NRXN3: variants seen among roughly 807,000 people sequenced by gnomAD.
The protein encoded by NRXN3 is neurexin III.
In NRXN3, 32 loss-of-function variants were observed where a neutral mutation model predicts 137.6. The observed-to-expected ratio is 0.23, with a 90% CI of 0.18 to 0.31. The LOEUF (loss-of-function observed/expected upper bound fraction) is 0.31. Ranked by LOEUF, NRXN3 falls within the 10% of genes least tolerant of loss-of-function variation. The probability of loss-of-function intolerance (pLI) is 1.00; values close to 1 mark genes in which losing one functional copy is unlikely to be tolerated. For missense variants in NRXN3, 1,574 were observed against 2,062.5 expected, an observed-to-expected ratio of 0.76 and a Z score of 4.59; for synonymous variants, 798 against 784.5, an observed-to-expected ratio of 1.02 and a Z score of -0.29.
chr14:78,604,642 C>T (rs1331798012), intron 4 of NRXN3, among the ~76,000 whole-genome samples: 1 of 152,138 alleles, frequency 6.6e-6, no homozygotes, highest in African/African-American at 2.4e-5. Context: ...TAGAGATCCC[C>T]TTCATTCTGT....
chr14:78,704,072 G>A (rs929529011), intron 6 of NRXN3, among the ~76,000 whole-genome samples: 3 of 152,210 alleles, frequency 2.0e-5, no homozygotes, highest in Non-Finnish European at 4.4e-5. Context: ...AGTGGCCTGG[G>A]ATAAGATGGC....
chr14:79,357,008 G>A (rs1028143708), intron 15 of NRXN3, among the ~76,000 whole-genome samples: 5 of 152,174 alleles, frequency 3.3e-5, no homozygotes, highest in Admixed American at 6.5e-5. Context: ...GATTAGAGAC[G>A]TGAGCCACTG....
chr14:79,623,026 T>A (rs1468280858), intron 16 of NRXN3, among the ~76,000 whole-genome samples: 2 of 152,238 alleles, frequency 1.3e-5, no homozygotes, highest in South Asian at 2.1e-4. Flanking sequence ...TATTGGCAAA[T>A]ACTATGATAT....
intron 1 of NRXN3, among the ~76,000 whole-genome samples, chr14:78,241,634 G>T (rs771339088): frequency 1.4e-4 from 21 of 150,030 alleles, no homozygotes; most frequent in South Asian, 4.2e-4. Context: ...AAAAAAAAAA[G>T]GCTTATGCTA....
intron 20 of NRXN3, among the ~76,000 whole-genome samples, chr14:79,813,158 C>G (rs556295197): frequency 6.6e-6 from 1 of 152,168 alleles, no homozygotes; most frequent in Non-Finnish European, 1.5e-5. Flanking sequence ...CATTCTTAAC[C>G]AGCATCAGCC....
intron 10 of NRXN3, among the ~76,000 whole-genome samples, chr14:78,937,335 A>G (rs976970517): frequency 1.3e-5 from 2 of 152,178 alleles, no homozygotes; most frequent in African/African-American, 2.4e-5. Flanking sequence ...ATAAATGTAC[A>G]TACCCCACCT....
At chr14:78,776,674 C>T (rs1002398825) in intron 8 of NRXN3, among the ~76,000 whole-genome samples, 7 of 152,050 alleles carry the variant, frequency 4.6e-5, no homozygotes, top group Non-Finnish European at 1.0e-4. Flanking sequence ...GATTGTTGGT[C>T]TTGTTTGCTA....
intron 16 of NRXN3, among the ~76,000 whole-genome samples, chr14:79,575,674 G>T (rs2097657608): frequency 1.3e-5 from 2 of 152,058 alleles, no homozygotes; most frequent in South Asian, 4.1e-4. Flanking sequence ...CCGTGTCAAT[G>T]ATGGCTTTTA....
intron 15 of NRXN3, among the ~76,000 whole-genome samples, chr14:79,367,961 A>G (rs1395905198): frequency 1.3e-5 from 2 of 152,332 alleles, no homozygotes; most frequent in East Asian, 3.9e-4. Flanking sequence ...TGGATATACT[A>G]TAACCAAAGA....
At chr14:78,568,619 A>T (rs960886013) in intron 4 of NRXN3, among the ~76,000 whole-genome samples, 1 of 152,212 alleles carries the variant, frequency 6.6e-6, no homozygotes, top group African/African-American at 2.4e-5. Flanking sequence ...TACACCGATT[A>T]TCTTGTTTGA....
At chr14:79,391,422 T>A (rs973853452) in intron 15 of NRXN3, among the ~76,000 whole-genome samples, 1 of 152,222 alleles carries the variant, frequency 6.6e-6, no homozygotes, top group Non-Finnish European at 1.5e-5. Context: ...TCCACTTTTC[T>A]TGTCTTTAAA....
chr14:79,083,323 A>G (rs917128214), intron 15 of NRXN3, among the ~76,000 whole-genome samples: 3 of 152,224 alleles, frequency 2.0e-5, no homozygotes, highest in Non-Finnish European at 4.4e-5. Context: ...CTGGATGGGA[A>G]CCACACGAGG....
intron 8 of NRXN3, among the ~76,000 whole-genome samples, chr14:78,794,489 C>T (rs1279071450): frequency 6.6e-6 from 1 of 152,148 alleles, no homozygotes; most frequent in African/African-American, 2.4e-5. Context: ...GGTAGTACCT[C>T]ATAAAAAGTA....
At chr14:78,825,922 A>G (rs78373520) in intron 10 of NRXN3, among the ~76,000 whole-genome samples, 2,787 of 152,324 alleles carry the variant, frequency 0.018, 91 homozygotes, top group African/African-American at 0.063. Flanking sequence ...TTGACTATTC[A>G]GTTGAACCCC....
chr14:79,700,684 C>T lies in NRXN3; in HGVS notation c.4014+2747C>T, dbSNP rs559232342. Among the ~76,000 whole-genome samples the T allele has an allele frequency of 2.0e-4, 31 of 152,096 alleles. No individual in the cohort carries two copies. In the South Asian group the frequency reaches 2.3e-3, roughly 11 times the overall value. On this transcript the variant is annotated intron_variant, in intron 19 of 20. Coordinates refer to ENST00000335750, the MANE Select transcript of NRXN3 (RefSeq NM_001330195.2). ...AGGTGCTTTCAGTGCTGCTTTTAAC[C>T]GTGTGTGAATGTGAACAAGTAGTTT...
chr14:78,385,357 A>G (rs2089804353), intron 4 of NRXN3, among the ~76,000 whole-genome samples: 1 of 152,028 alleles, frequency 6.6e-6, no homozygotes. Flanking sequence ...TCCTAATCAT[A>G]AAAAATTATG....
intron 16 of NRXN3, among the ~76,000 whole-genome samples, chr14:79,599,799 G>A (rs574526778): frequency 1.2e-4 from 19 of 152,096 alleles, no homozygotes; most frequent in Admixed American, 3.9e-4. Context: ...GTTCAAGACC[G>A]GCCTGGCCAA....
At chr14:79,302,654 C>T (rs2085340765) in intron 15 of NRXN3, among the ~76,000 whole-genome samples, 1 of 151,742 alleles carries the variant, frequency 6.6e-6, no homozygotes, top group African/African-American at 2.4e-5. Context: ...AGGGCAGTTT[C>T]CCCCATCCTG....
intron 4 of NRXN3, among the ~76,000 whole-genome samples, chr14:78,526,329 C>A (rs2096378684): frequency 6.6e-6 from 1 of 152,306 alleles, no homozygotes; most frequent in African/African-American, 2.4e-5. Flanking sequence ...TTTGAAGAGA[C>A]CCCTGGGCCT....
Sources: allele counts gnomAD v4.1 joint callset (sites outside exome capture counted in the v4.1 genomes callset), GRCh38; gene constraint gnomAD v4.1.1; transcripts MANE v1.5; gene names NCBI Gene and HGNC (gene_info 2026-07-23, HGNC 2026-07-21).